Variants in ALG11 observed in about 807,000 individuals in gnomAD.
ALG11 encodes the protein GDP-Man:Man(3)GlcNAc(2)-PP-Dol alpha-1,2-mannosyltransferase.
ALG11 carries 26 observed loss-of-function variants against 38.8 expected under a neutral mutation model. The observed-to-expected ratio is 0.67, with a 90% CI of 0.49 to 0.93. ALG11 has a LOEUF of 0.93. ALG11 is among the 40% of genes least tolerant of loss of function. The probability of loss-of-function intolerance (pLI) is 0.00; values close to 1 mark genes in which losing one functional copy is unlikely to be tolerated. For missense variants in ALG11, 535 were observed against 578.8 expected, an observed-to-expected ratio of 0.92 and a Z score of 0.78; for synonymous variants, 199 against 211.6, an observed-to-expected ratio of 0.94 and a Z score of 0.52.
chr13:52,012,490 G>A (rs747365988), intron 1 of ALG11, 28 bp downstream of exon 1: 5 of 1,614,024 alleles, frequency 3.1e-6, no homozygotes, highest in East Asian at 2.2e-5. Flanking sequence ...TGGGCTCACA[G>A]ACGTTTTCTC....
At chr13:52,023,702 GTT>G (rs1954207868) in intron 2 of ALG11, 2 of 126,324 alleles carry the variant, frequency 1.6e-5, no homozygotes, top group African/African-American at 2.8e-5. Flanking sequence ...TTTTGTTTTT[GTT>G]TTTTTGAGAC....
In ALG11 at chr13:52,031,327, A is replaced by G; in HGVS notation, c.*2737A>G. 1.5e-6 allele frequency: 1 copy of G among 653,214 alleles called. No individual in the cohort carries two copies. Among genetic ancestry groups the G allele is most frequent in the Non-Finnish European group, 2.5e-6 (1 of 395,164 alleles). The allele number at this position is 653,214 out of a possible 1,614,324, so 40.5% of individuals were successfully genotyped here. Reference sequence around the variant, plus strand: ...ATTCTAGTACATTTAAATTCTAAACAATACAGTGGATGACCCTTTTGAATA... The same window carrying G: ...ATTCTAGTACATTTAAATTCTAAACGATACAGTGGATGACCCTTTTGAATA... On this transcript the variant is annotated 3_prime_UTR_variant, in exon 4 of 4. Coordinates refer to ENST00000521508, the MANE Select transcript of ALG11 (RefSeq NM_001004127.3).
chr13:52,024,747 T>C lies in ALG11; in HGVS notation c.1017T>C (p.Leu339=). The C allele has an allele frequency of 1.2e-6, 2 of 1,614,242 alleles. No individual in the cohort carries two copies. Among genetic ancestry groups the C allele is most frequent in the Non-Finnish European group, 1.7e-6 (2 of 1,180,046 alleles). Residue 339 remains leucine, a synonymous_variant, in exon 3 of 4, where the codon CTT becomes CTC. Transcript: ENST00000521508. The stretch of plus-strand genomic sequence containing the variant: ...TTGAGTCACCTCCTTCGCTTAAACT[T>C]GTCCTCATTGGAGGTTGTCGTAACA... ...KMVESPPSLK[L]VLIGGCRNKD... is the part of the protein sequence containing the mutation.
rs1954299560 is a variant in ALG11 at position 52,031,088 on chromosome 13, AAAG to A, written c.*2504_*2506del. ...AAAACGAATCACCACACGTCACAAT[AAAG>A]AAGAAAAACTGTAGGTTGTGTAGCT... On this transcript the variant is annotated 3_prime_UTR_variant, in exon 4 of 4. Coordinates refer to ENST00000521508, the MANE Select transcript of ALG11 (RefSeq NM_001004127.3). 3 of 1,611,110 alleles carry A rather than the reference AAAG, an allele frequency of 1.9e-6. No homozygotes were observed. The highest frequency in any genetic ancestry group is 2.2e-5 in the East Asian group (1 of 44,872).
At position 52,032,993 on chromosome 13, in the gene ALG11, A is replaced by C. The variant is rs1284724072; in HGVS notation, c.*4403A>C. 2 of 167,092 alleles carry C rather than the reference A, an allele frequency of 1.2e-5. No homozygotes were observed. The highest frequency in any genetic ancestry group is 4.8e-5 in the African/African-American group (2 of 41,456). 10.4% of individuals were successfully genotyped at this position (167,092 alleles called of 1,614,324 possible). ...CCACTCAATTGCCTTATTCCTGAGG[A>C]TGTAGTGAAGGAAGAAAAAGTTTTC... On this transcript the variant is annotated 3_prime_UTR_variant, in exon 4 of 4. Coordinates refer to ENST00000521508, the MANE Select transcript of ALG11 (RefSeq NM_001004127.3).
intron 1 of ALG11, among the ~76,000 whole-genome samples, chr13:52,015,627 A>T (rs1438742806): frequency 6.6e-6 from 1 of 152,026 alleles, no homozygotes; most frequent in African/African-American, 2.4e-5. Flanking sequence ...AGTTCACGAG[A>T]TCTGATGGGG....
At chr13:52,025,014 T>C in intron 3 of ALG11, 77 bp downstream of exon 3, 3 of 1,448,692 alleles carry the variant, frequency 2.1e-6, no homozygotes, top group Non-Finnish European at 2.9e-6. Flanking sequence ...ATGATAATAC[T>C]CTGGAAATCT....
intron 1 of ALG11, among the ~76,000 whole-genome samples, chr13:52,015,598 A>G (rs895318289): frequency 6.6e-6 from 1 of 152,006 alleles, no homozygotes; most frequent in African/African-American, 2.4e-5. Flanking sequence ...TTCCCATGCT[A>G]TTCTCGTGAT....
At position 52,030,954 on chromosome 13, in the gene ALG11, C is replaced by T. The variant is rs1350588666; in HGVS notation, c.*2364C>T. On this transcript the variant is annotated 3_prime_UTR_variant, in exon 4 of 4. Coordinates refer to ENST00000521508, the MANE Select transcript of ALG11 (RefSeq NM_001004127.3). ...CAGAGGGCTTTCCAAAAGCTGACTA[C>T]TCCCAAGGTCGTCACCAAGCCAGGC... The T allele has an allele frequency of 6.2e-7, 1 of 1,614,070 alleles. No homozygotes were observed. Among genetic ancestry groups the T allele is most frequent in the Non-Finnish European group, 8.5e-7 (1 of 1,180,034 alleles).
intron 2 of ALG11, chr13:52,021,017 T>TC (rs1954179497): frequency 6.6e-6 from 1 of 152,194 alleles, no homozygotes; most frequent in African/African-American, 2.4e-5. Context: ...ACAAGATCGA[T>TC]CAAGTCCTTC....
chr13:52,028,000 G>C (rs2140846314), intron 3 of ALG11, among the ~76,000 whole-genome samples: 1 of 152,006 alleles, frequency 6.6e-6, no homozygotes, highest in East Asian at 1.9e-4. Context: ...GCTCACGCTG[G>C]TAAATCCCAG....
At chr13:52,027,890 C>T (rs1300910805) in intron 3 of ALG11, among the ~76,000 whole-genome samples, 1 of 152,074 alleles carries the variant, frequency 6.6e-6, no homozygotes, top group Non-Finnish European at 1.5e-5. Flanking sequence ...ATTCTCTAGT[C>T]TTCTTTTTTA....
At chr13:52,015,791 A>G (rs1473274241) in intron 1 of ALG11, 1 of 152,394 alleles carries the variant, frequency 6.6e-6, no homozygotes, top group African/African-American at 2.4e-5. Flanking sequence ...AGTTTCGAGT[A>G]TGTCTTTATC....
intron 2 of ALG11, among the ~76,000 whole-genome samples, chr13:52,019,596 A>G (rs1459858733): frequency 1.3e-5 from 2 of 152,126 alleles, no homozygotes; most frequent in Non-Finnish European, 2.9e-5. Flanking sequence ...TATTTCTTTC[A>G]TGTGCCCACA....
rs769763630 is a variant in ALG11, at chr13:52,028,487, A to G, written c.1376A>G (p.Lys459Arg). 8.7e-6 allele frequency: 14 copies of G among 1,614,120 alleles called. No homozygotes were observed. The highest frequency in any genetic ancestry group is 1.2e-5 in the Non-Finnish European group (14 of 1,180,052). Residue 459 changes from lysine (K) to arginine (R), a missense_variant, in exon 4 of 4, where the codon AAG becomes AGG. By Grantham distance (26) the Lys-to-Arg change is conservative. Coordinates refer to ENST00000521508, the MANE Select transcript of ALG11 (RefSeq NM_001004127.3). The stretch of plus-strand genomic sequence containing the variant: ...CACATTCTTTCCATGTCTGCAGAAA[A>G]GAGACTCCAAATCAGAAAAAGTGCT... ...IAHILSMSAE[K>R]RLQIRKSARA...
chr13:52,012,545 G>A, intron 1 of ALG11, 83 bp downstream of exon 1: 4 of 1,582,068 alleles, frequency 2.5e-6, no homozygotes, highest in Non-Finnish European at 3.5e-6. Flanking sequence ...AATTTTGCGG[G>A]CAAATGGCCT....
Position 52,024,025 on chromosome 13 carries a change from GT to G in ALG11, c.297del (p.Val100PhefsTer14). 5 of 1,614,046 alleles carry G rather than the reference GT, an allele frequency of 3.1e-6. No homozygotes were observed. Among genetic ancestry groups the G allele is most frequent in the Non-Finnish European group, 4.2e-6 (5 of 1,180,002 alleles). ...LQKKYPEAVYVVYTGDVNVNG... is the reference protein window; with the variant it reads ...LQKKYPEAVYXVYTGDVNVNG... ...TTTTAGGTATCCTGAAGCAGTTTAT[GT>G]TGTTTATACCGGCGATGTTAATGTC... On this transcript the variant is annotated frameshift_variant, in exon 3 of 4. Transcript: ENST00000521508. LOFTEE classifies it high-confidence loss of function.
chr13:52,027,309 A>G (rs891068151), intron 3 of ALG11, among the ~76,000 whole-genome samples: 1 of 152,132 alleles, frequency 6.6e-6, no homozygotes, highest in Non-Finnish European at 1.5e-5. Context: ...GAGAAAGGGC[A>G]TGTGGTGCCC....
chr13:52,022,390 C>T, intron 2 of ALG11: 1 of 152,176 alleles, frequency 6.6e-6, no homozygotes, highest in East Asian at 1.9e-4. Flanking sequence ...AAAGAAAAAA[C>T]AAATGGAATT....
Sources: allele counts gnomAD v4.1 joint callset (sites outside exome capture counted in the v4.1 genomes callset), GRCh38; gene constraint gnomAD v4.1.1; transcripts MANE v1.5; gene names NCBI Gene and HGNC (gene_info 2026-07-23, HGNC 2026-07-21).